The following DPYSL2 variants were observed in gnomAD, a reference collection of about 807,000 sequenced individuals.
DPYSL2 encodes the protein dihydropyrimidinase-related protein 2.
DPYSL2 carries 13 observed loss-of-function variants against 69.9 expected under a neutral mutation model. The ratio of observed to expected loss-of-function variants is 0.19; its 90% CI spans 0.12 to 0.30. DPYSL2 has a LOEUF of 0.30. Ranked by LOEUF, DPYSL2 falls within the 10% of genes least tolerant of loss-of-function variation. The pLI is 1.00. For synonymous variants in DPYSL2, 326 were observed against 359.1 expected, an observed-to-expected ratio of 0.91 and a Z score of 1.04; for missense variants, 587 against 918.9, an observed-to-expected ratio of 0.64 and a Z score of 4.67.
chr8:26,616,869 C>T lies in DPYSL2; in HGVS notation c.629-7274C>T, dbSNP rs1802364435. ...GCTGAGTGAAGGCTCCTCATCCTCC[C>T]TCCTCCCTTCTATTCCACGTGTGTA... On this transcript the variant is annotated intron_variant, in intron 3 of 13. Coordinates refer to ENST00000521913, the MANE Select transcript of DPYSL2 (RefSeq NM_001197293.3). Among the ~76,000 whole-genome samples the T allele has an allele frequency of 2.6e-5, 4 of 152,106 alleles. No homozygotes were observed. In the South Asian group the frequency reaches 8.3e-4, roughly 32 times the overall value.
chr8:26,572,069 A>G (rs979488769), intron 1 of DPYSL2, among the ~76,000 whole-genome samples: 2 of 152,168 alleles, frequency 1.3e-5, no homozygotes, highest in African/African-American at 4.8e-5. Flanking sequence ...TTGGCATCCA[A>G]TTGCAGCACT....
rs1373395588 is a variant in DPYSL2 at position 26,582,430 on chromosome 8, A to G, written c.443+373A>G. On this transcript the variant is annotated intron_variant, in intron 2 of 13. Coordinates refer to ENST00000521913, the MANE Select transcript of DPYSL2 (RefSeq NM_001197293.3). This position sits in a 1 kb window ranked among gnomAD's most constrained non-coding sequence, Gnocchi z 4.1. ...CCCAAAGGACGCAAACGTGAAAGAC[A>G]GTCTCCTCTATTGAGACAGCACATC... Among the ~76,000 whole-genome samples, 1 of 152,260 alleles carries G rather than the reference A, an allele frequency of 6.6e-6. No individual in the cohort carries two copies. Among genetic ancestry groups the G allele is most frequent in the Admixed American group, 6.5e-5 (1 of 15,288 alleles).
chr8:26,623,182 G>A (rs1208374535), intron 3 of DPYSL2, among the ~76,000 whole-genome samples: 2 of 152,182 alleles, frequency 1.3e-5, no homozygotes, highest in East Asian at 1.9e-4. Context: ...TATTTTAGGA[G>A]CTGAAAAACG....
Position 26,627,114 on chromosome 8 carries a change from T to G in DPYSL2, c.856-101T>G. ...GGCTAATAGAATCGCCTAGGTGTCC[T>G]GTTTCTCATCCCAGAAATGCCTCTG... On this transcript the variant is annotated intron_variant, in intron 5 of 13. Transcript: ENST00000521913. The surrounding 1 kb of genome is among the most constrained non-coding windows in gnomAD (Gnocchi z 6.9). The G allele has an allele frequency of 8.9e-7, 1 of 1,118,322 alleles. No individual in the cohort carries two copies. Among genetic ancestry groups the G allele is most frequent in the South Asian group, 1.3e-5 (1 of 76,468 alleles). The allele number at this position is 1,118,322 out of a possible 1,614,324, so 69.3% of individuals were successfully genotyped here.
At chr8:26,632,327 GA>G (rs1194499053) in intron 7 of DPYSL2, among the ~76,000 whole-genome samples, 1 of 152,246 alleles carries the variant, frequency 6.6e-6, no homozygotes, top group East Asian at 1.9e-4. Context: ...AAGGCGAGGA[GA>G]AAGAGGTAGA....
At chr8:26,518,893 A>C (rs1808337988) in intron 1 of DPYSL2, among the ~76,000 whole-genome samples, 1 of 152,226 alleles carries the variant, frequency 6.6e-6, no homozygotes, top group Non-Finnish European at 1.5e-5. Context: ...TAATTGTGGC[A>C]GGAAATAAGA....
chr8:26,563,427 C>T (rs1003037764), intron 1 of DPYSL2, among the ~76,000 whole-genome samples: 3 of 152,116 alleles, frequency 2.0e-5, no homozygotes, highest in Non-Finnish European at 4.4e-5. Flanking sequence ...AATTGAAGCC[C>T]CAATATCTTT....
intron 1 of DPYSL2, chr8:26,548,323 A>G (rs1800814120): frequency 4.1e-6 from 1 of 241,340 alleles, no homozygotes. Flanking sequence ...AGGGCTTTCT[A>G]TGCTGAGCTT....
intron 1 of DPYSL2, among the ~76,000 whole-genome samples, chr8:26,535,474 G>T (rs940166193): frequency 6.6e-6 from 1 of 152,064 alleles, no homozygotes; most frequent in Non-Finnish European, 1.5e-5. Context: ...TTCCATAGAG[G>T]TCATACTCTG....
chr8:26,616,697 G>A lies in DPYSL2; in HGVS notation c.629-7446G>A, dbSNP rs541276772. Among the ~76,000 whole-genome samples, 7 of 152,364 alleles carry A rather than the reference G, an allele frequency of 4.6e-5. No individual in the cohort carries two copies. The South Asian group carries it at 1.2e-3, about 27-fold the overall frequency. On this transcript the variant is annotated intron_variant, in intron 3 of 13. Transcript: ENST00000521913. ...TGCTTCAAGGGGCTGGCGGGTACCCGAGGCGGGGTCGGAGGGCTGAGTGAT... is the reference window on the plus strand; with the variant it reads ...TGCTTCAAGGGGCTGGCGGGTACCCAAGGCGGGGTCGGAGGGCTGAGTGAT...
intron 1 of DPYSL2, among the ~76,000 whole-genome samples, chr8:26,558,904 A>G (rs1006516120): frequency 6.6e-6 from 1 of 152,220 alleles, no homozygotes; most frequent in African/African-American, 2.4e-5. Flanking sequence ...ATGAATTTAA[A>G]CAATTCTCCA....
intron 1 of DPYSL2, among the ~76,000 whole-genome samples, chr8:26,559,796 TG>T (rs777496676): frequency 4.6e-5 from 7 of 152,214 alleles, no homozygotes; most frequent in Non-Finnish European, 8.8e-5. Flanking sequence ...GATGGTTTCT[TG>T]CTTTGAAGTC....
Position 26,576,583 on chromosome 8 carries a change from G to A in DPYSL2, c.355-5386G>A, listed in dbSNP as rs552572614. Among the ~76,000 whole-genome samples, 3 of 152,284 alleles carry A rather than the reference G, an allele frequency of 2.0e-5. No individual in the cohort carries two copies. In the South Asian group the frequency reaches 6.2e-4, roughly 32 times the overall value. On this transcript the variant is annotated intron_variant, in intron 1 of 13. Transcript: ENST00000521913. ...CCTGAAGTTAGAGCATCCCAGCATG[G>A]CTTGGACAGGCAAAGCTAAGGGGTC...
At chr8:26,622,090 T>TTTCTTTCCTTCCTTCCTTCCTTCCTTCC (rs1491209184) in intron 3 of DPYSL2, among the ~76,000 whole-genome samples, 1 of 64,376 alleles carries the variant, frequency 1.6e-5, no homozygotes, top group Non-Finnish European at 3.2e-5. Flanking sequence ...TCTTTCTTTC[T>TTTCTTTCCTTCCTTCCTTCCTTCCTTCC]TTCCTTCCTT....
intron 1 of DPYSL2, among the ~76,000 whole-genome samples, chr8:26,532,615 C>T (rs1239707645): frequency 6.6e-6 from 1 of 152,202 alleles, no homozygotes; most frequent in Non-Finnish European, 1.5e-5. Flanking sequence ...TACATGGAAA[C>T]ATATACTATG....
rs187866079 is a variant in DPYSL2, at chr8:26,631,214, G to A, written c.1005+3274G>A. Among the ~76,000 whole-genome samples, 359 of 152,302 alleles carry A rather than the reference G, an allele frequency of 2.4e-3. 7 individuals carry two copies. Among genetic ancestry groups the A allele is most frequent in the Admixed American group, 0.02 (308 of 15,298 alleles). ...TTTTCATACTACTGTAAAGAAATACGTGAGACTGGGTAATTTATAAAGAAA... is the reference window on the plus strand; with the variant it reads ...TTTTCATACTACTGTAAAGAAATACATGAGACTGGGTAATTTATAAAGAAA... On this transcript the variant is annotated intron_variant, in intron 7 of 13. Coordinates refer to ENST00000521913, the MANE Select transcript of DPYSL2 (RefSeq NM_001197293.3).
At chr8:26,636,216 G>A (rs1802912164) in intron 8 of DPYSL2, among the ~76,000 whole-genome samples, 1 of 152,342 alleles carries the variant, frequency 6.6e-6, no homozygotes, top group African/African-American at 2.4e-5. Flanking sequence ...TGAGCTTTGA[G>A]TTGTTTTCTA....
intron 11 of DPYSL2, among the ~76,000 whole-genome samples, chr8:26,651,981 T>A (rs950874504): frequency 3.3e-5 from 5 of 152,258 alleles, no homozygotes; most frequent in Non-Finnish European, 5.9e-5. Context: ...TTTCTTTATA[T>A]TTGTGTAGCA....
intron 1 of DPYSL2, among the ~76,000 whole-genome samples, chr8:26,515,435 T>C (rs936521956): frequency 6.6e-6 from 1 of 152,190 alleles, no homozygotes; most frequent in Non-Finnish European, 1.5e-5. Context: ...AAGTGGATTA[T>C]GTTCAAAGGG....
Sources: gnomAD v4.1 joint callset for allele counts (sites outside exome capture counted in the v4.1 genomes callset) on GRCh38, gnomAD v4.1.1 for gene constraint, Gnocchi (gnomAD v3.1) non-coding constraint, MANE v1.5 for transcripts, NCBI Gene and HGNC (gene_info 2026-07-23, HGNC 2026-07-21) for gene names.